The following COL25A1 variants were observed in gnomAD, a reference collection of about 807,000 sequenced individuals.
COL25A1 encodes the protein collagen type XXV alpha 1 chain, also known as collagen alpha-1(XXV) chain.
In COL25A1, 103 loss-of-function variants were observed where a neutral mutation model predicts 128.4. The observed-to-expected ratio is 0.80, with a 90% CI of 0.68 to 0.94. The LOEUF (loss-of-function observed/expected upper bound fraction) is 0.94. Among genes scored for constraint, COL25A1 ranks in the 40% least tolerant of loss-of-function variants. The pLI, the probability that COL25A1 is intolerant of heterozygous loss-of-function variation, is 0.00. For synonymous variants in COL25A1, 279 were observed against 277.2 expected, an observed-to-expected ratio of 1.01 and a Z score of -0.06; for missense variants, 745 against 840.0, an observed-to-expected ratio of 0.89 and a Z score of 1.40.
intron 6 of COL25A1, among the ~76,000 whole-genome samples, chr4:109,006,808 A>G (rs1177350372): frequency 6.6e-6 from 1 of 152,182 alleles, no homozygotes; most frequent in Non-Finnish European, 1.5e-5. Context: ...TATTTAAGGA[A>G]CAGAAAACCA....
chr4:109,097,505 TG>T (rs1461711413), intron 3 of COL25A1, among the ~76,000 whole-genome samples: 4 of 150,228 alleles, frequency 2.7e-5, no homozygotes, highest in African/African-American at 9.8e-5. Context: ...CCCAGCTACC[TG>T]GGAGTGTGAG....
In COL25A1 at chr4:108,899,249, C is replaced by G. The variant is rs1742536858; in HGVS notation, c.835-69G>C. ...ACCTAATTTTATTATCATTATTAAA[C>G]AAAACAGATATTGAACTTACTAGGT... On this transcript the variant is annotated intron_variant, in intron 14 of 37. Transcript: ENST00000399132. 5 of 1,402,500 alleles carry G rather than the reference C, an allele frequency of 3.6e-6. No individual in the cohort carries two copies. The African/African-American group carries it at 7.1e-5, about 20-fold the overall frequency. 86.9% of individuals were successfully genotyped at this position (1,402,500 alleles called of 1,614,324 possible).
Position 108,841,061 on chromosome 4 carries a change from C to A in COL25A1, c.1656+634G>T, listed in dbSNP as rs7694506. ...ATTTTAATCTGCCAGGATGTCCTCG[C>A]GGTCTAGACAAAGGCAAAGGACAGG... On this transcript the variant is annotated intron_variant, in intron 31 of 37. Coordinates refer to ENST00000399132, the MANE Select transcript of COL25A1 (RefSeq NM_198721.4). 3.3e-5 allele frequency among the ~76,000 whole-genome samples: 5 copies of A among 152,298 alleles called. No individual in the cohort carries two copies. The East Asian group carries it at 7.7e-4, about 24-fold the overall frequency.
intron 3 of COL25A1, among the ~76,000 whole-genome samples, chr4:109,060,080 A>C (rs1761822506): frequency 6.6e-6 from 1 of 152,172 alleles, no homozygotes; most frequent in Non-Finnish European, 1.5e-5. Context: ...ACCTCTCAGA[A>C]ACCCTTGTTT....
chr4:109,117,787 T>G (rs1208091699), intron 3 of COL25A1, among the ~76,000 whole-genome samples: 1 of 151,954 alleles, frequency 6.6e-6, no homozygotes, highest in Non-Finnish European at 1.5e-5. Flanking sequence ...AGAAATATTT[T>G]GATATTATAA....
chr4:109,043,036 C>T (rs535618631), intron 5 of COL25A1, among the ~76,000 whole-genome samples: 29 of 152,154 alleles, frequency 1.9e-4, no homozygotes, highest in Non-Finnish European at 3.5e-4. Flanking sequence ...TGAAGAGGGA[C>T]AGACCTGGGT....
chr4:109,153,104 G>C (rs947797347), intron 3 of COL25A1, among the ~76,000 whole-genome samples: 3 of 151,912 alleles, frequency 2.0e-5, no homozygotes, highest in African/African-American at 7.3e-5. Flanking sequence ...AAGTACTCTG[G>C]GCCGGGCGCA....
chr4:109,156,330 C>G (rs372881933), intron 3 of COL25A1, among the ~76,000 whole-genome samples: 3 of 152,230 alleles, frequency 2.0e-5, no homozygotes, highest in East Asian at 3.8e-4. Context: ...AACTCAAATA[C>G]CGAAAGCCGG....
At chr4:109,127,191 T>C (rs1433010201) in intron 3 of COL25A1, among the ~76,000 whole-genome samples, 1 of 152,186 alleles carries the variant, frequency 6.6e-6, no homozygotes, top group East Asian at 1.9e-4. Flanking sequence ...CCAAAGTGTT[T>C]TGATACATTT....
intron 13 of COL25A1, among the ~76,000 whole-genome samples, chr4:108,902,903 C>T (rs541263636): frequency 4.5e-4 from 68 of 151,892 alleles, no homozygotes; most frequent in Middle Eastern, 3.4e-3. Context: ...TACTGTGCAA[C>T]GAGAAAAAGA....
intron 31 of COL25A1, among the ~76,000 whole-genome samples, chr4:108,836,894 C>T (rs929757202): frequency 9.2e-5 from 14 of 152,004 alleles, no homozygotes; most frequent in South Asian, 2.1e-4. Flanking sequence ...GCCTGGCCAA[C>T]GTGGCGAAAC....
rs531125477 is a variant in COL25A1 at position 108,822,007 on chromosome 4, T to G, written c.1845+2167A>C. 4.0e-5 allele frequency among the ~76,000 whole-genome samples: 6 copies of G among 150,576 alleles called. No individual in the cohort carries two copies. In the South Asian group the frequency reaches 6.3e-4, roughly 16 times the overall value. On this transcript the variant is annotated intron_variant, in intron 35 of 37. Transcript: ENST00000399132. ...TTTCCTATGCTGTAATGCTGGTAATTTCTTTCTCATAAACGTGAGTATCCT... is the reference window on the plus strand; with the variant it reads ...TTTCCTATGCTGTAATGCTGGTAATGTCTTTCTCATAAACGTGAGTATCCT...
chr4:108,871,680 G>A, intron 19 of COL25A1, among the ~76,000 whole-genome samples: 1 of 152,120 alleles, frequency 6.6e-6, no homozygotes, highest in East Asian at 1.9e-4. Context: ...CTTTAAGAAA[G>A]TATCTACCGT....
intron 3 of COL25A1, among the ~76,000 whole-genome samples, chr4:109,074,531 G>C (rs548558305): frequency 5.8e-4 from 88 of 152,176 alleles, no homozygotes; most frequent in Non-Finnish European, 1.1e-3. Flanking sequence ...TGTTAAACAG[G>C]GTTAGCTAAT....
intron 9 of COL25A1, 30 bp downstream of exon 9, chr4:108,941,336 A>T: frequency 6.3e-7 from 1 of 1,580,782 alleles, no homozygotes; most frequent in Non-Finnish European, 8.7e-7. Flanking sequence ...TGTAAAGAAG[A>T]AATCAGACTT....
chr4:109,224,252 C>T (rs1369521592), intron 3 of COL25A1, among the ~76,000 whole-genome samples: 1 of 151,974 alleles, frequency 6.6e-6, no homozygotes, highest in East Asian at 1.9e-4. Context: ...TTTGATCAAC[C>T]AGGTTCTGAA....
chr4:108,972,656 T>C (rs1247681315), intron 8 of COL25A1, among the ~76,000 whole-genome samples: 1 of 152,072 alleles, frequency 6.6e-6, no homozygotes, highest in African/African-American at 2.4e-5. Context: ...CAAAGCAAAA[T>C]ACAGAGGAAA....
At chr4:109,082,137 C>T (rs1763903523) in intron 3 of COL25A1, among the ~76,000 whole-genome samples, 1 of 152,162 alleles carries the variant, frequency 6.6e-6, no homozygotes, top group African/African-American at 2.4e-5. Flanking sequence ...TGTATCAGTA[C>T]TACATTCAAT....
intron 3 of COL25A1, among the ~76,000 whole-genome samples, chr4:109,184,115 T>C (rs928045895): frequency 6.6e-6 from 1 of 152,196 alleles, no homozygotes; most frequent in Non-Finnish European, 1.5e-5. Flanking sequence ...TAGGTTTCCA[T>C]GACTGAGCAA....
Sources: allele counts gnomAD v4.1 joint callset (sites outside exome capture counted in the v4.1 genomes callset), GRCh38; gene constraint gnomAD v4.1.1; transcripts MANE v1.5; gene names NCBI Gene and HGNC (gene_info 2026-07-23, HGNC 2026-07-21).